The following NEK1 variants were observed in gnomAD, a reference collection of about 807,000 sequenced individuals.
NEK1 encodes the protein serine/threonine-protein kinase Nek1.
A neutral mutation model predicts 182.1 loss-of-function variants in NEK1; 137 were observed. The observed-to-expected ratio is 0.75, with a 90% CI of 0.65 to 0.87. NEK1 has a LOEUF of 0.87. Among genes scored for constraint, NEK1 ranks in the 40% least tolerant of loss-of-function variants. The pLI is 0.00. For synonymous variants in NEK1, 513 were observed against 492.2 expected (o/e 1.04, Z -0.56); for missense variants, 1,391 against 1,494.4 (o/e 0.93, Z 1.14).
At chr4:169,523,797 A>G (rs543634606) in intron 19 of NEK1, among the ~76,000 whole-genome samples, 1 of 152,236 alleles carries the variant, frequency 6.6e-6, no homozygotes, top group Non-Finnish European at 1.5e-5. Flanking sequence ...TACTGCTTAT[A>G]TGTTCCTGCT....
At chr4:169,509,732 G>A (rs906972217) in intron 19 of NEK1, among the ~76,000 whole-genome samples, 1 of 151,558 alleles carries the variant, frequency 6.6e-6, no homozygotes, top group African/African-American at 2.4e-5. Flanking sequence ...ATTTTTTTCT[G>A]TCATAACATA....
At chr4:169,588,059 T>C (rs1261869909) in intron 8 of NEK1, among the ~76,000 whole-genome samples, 1 of 152,044 alleles carries the variant, frequency 6.6e-6, no homozygotes, top group Admixed American at 6.5e-5. Flanking sequence ...AAATAAAGGG[T>C]AGCTGGAATT....
chr4:169,463,344 C>A lies in NEK1; in HGVS notation c.2486G>T (p.Arg829Ile). 2 of 1,610,456 alleles carry A rather than the reference C, an allele frequency of 1.2e-6. No homozygotes were observed. Among genetic ancestry groups the A allele is most frequent in the Non-Finnish European group, 1.7e-6 (2 of 1,177,778 alleles). The change falls in exon 27 of 36, where the codon AGA (arginine) becomes ATA (isoleucine). Residue 829 changes from arginine to isoleucine, a missense_variant. Arg to Ile is a moderately conservative substitution (Grantham distance 97). This residue lies in a region of NEK1 where 1,216 missense variants were observed against 1,277.6 expected (regional missense o/e 0.95). Coordinates refer to ENST00000507142, the MANE Select transcript of NEK1 (RefSeq NM_001199397.3). ...IKLGPNGSPR[R>I]AWGKSPTDSV... is the part of the protein sequence containing the mutation. ...ATCTGTCGGACTTTTCCCCCAGGCT[C>A]TTCTTGGAGATCCATTAGGACCTAA...
At chr4:169,457,352 C>A (rs1743082316) in intron 27 of NEK1, among the ~76,000 whole-genome samples, 1 of 151,344 alleles carries the variant, frequency 6.6e-6, no homozygotes, top group South Asian at 2.1e-4. Context: ...TATGTACCCA[C>A]AATAGTTAAT....
chr4:169,515,500 CT>C (rs199732218), intron 19 of NEK1, among the ~76,000 whole-genome samples: 29,203 of 141,394 alleles, frequency 0.21, 3,060 homozygotes, highest in African/African-American at 0.29. Flanking sequence ...GCAATAACTT[CT>C]TTTTTTTTTT....
intron 23 of NEK1, among the ~76,000 whole-genome samples, chr4:169,495,919 G>C (rs1343046125): frequency 6.6e-6 from 1 of 152,134 alleles, no homozygotes; most frequent in Admixed American, 6.5e-5. Flanking sequence ...CTTTAAAGTA[G>C]TTTTTTCCAA....
At chr4:169,498,095 T>C (rs1247349607) in intron 23 of NEK1, among the ~76,000 whole-genome samples, 4 of 152,252 alleles carry the variant, frequency 2.6e-5, no homozygotes, top group Admixed American at 1.3e-4. Flanking sequence ...TGCTCCTGTA[T>C]TGGATGCATA....
In NEK1 at chr4:169,576,963, A is replaced by AT. The variant is rs1432921892; in HGVS notation, c.984dup (p.Leu329IlefsTer11). On this transcript the variant is annotated frameshift_variant, in exon 12 of 36. Transcript: ENST00000507142. LOFTEE classifies it high-confidence loss of function. ...TTTTGCAGTGGTTTCTTTTCGTGTA[A>AT]TTTTTTATCTCCATATTTCTTATAT... The AT allele has an allele frequency of 1.9e-6, 3 of 1,611,518 alleles. No individual in the cohort carries two copies. Among genetic ancestry groups the AT allele is most frequent in the African/African-American group, 1.3e-5 (1 of 74,890 alleles).
At chr4:169,533,350 C>T (rs1757972357) in intron 19 of NEK1, among the ~76,000 whole-genome samples, 2 of 152,172 alleles carry the variant, frequency 1.3e-5, no homozygotes, top group Admixed American at 6.5e-5. Context: ...ATGCCATCTT[C>T]CCAGGGAGTC....
intron 28 of NEK1, among the ~76,000 whole-genome samples, chr4:169,437,214 A>G (rs1738574290): frequency 2.7e-5 from 1 of 36,988 alleles, no homozygotes; most frequent in Non-Finnish European, 4.8e-5. Flanking sequence ...TATGGAAAAC[A>G]AATAACTAAT....
At chr4:169,447,924 C>T (rs910564319) in intron 27 of NEK1, among the ~76,000 whole-genome samples, 1 of 151,892 alleles carries the variant, frequency 6.6e-6, no homozygotes, top group Non-Finnish European at 1.5e-5. Context: ...ATGGCTTATG[C>T]CTGTAATCCT....
chr4:169,495,668 C>T (rs1334191331), intron 23 of NEK1, among the ~76,000 whole-genome samples: 1 of 152,146 alleles, frequency 6.6e-6, no homozygotes, highest in Non-Finnish European at 1.5e-5. Flanking sequence ...GAATCCTTTC[C>T]TCATTTTTCG....
chr4:169,594,437 C>T (rs1254862519), intron 5 of NEK1, among the ~76,000 whole-genome samples: 3 of 152,172 alleles, frequency 2.0e-5, no homozygotes, highest in Admixed American at 6.5e-5. Context: ...CTTGGAACTT[C>T]TAACCAGAAG....
intron 19 of NEK1, among the ~76,000 whole-genome samples, chr4:169,534,288 C>T (rs539477420): frequency 1.8e-4 from 28 of 152,274 alleles, no homozygotes; most frequent in African/African-American, 6.3e-4. Context: ...AGAAGGGAAA[C>T]AAAGGTGGTA....
intron 12 of NEK1, among the ~76,000 whole-genome samples, chr4:169,573,710 T>G (rs1048856542): frequency 1.3e-5 from 2 of 152,152 alleles, no homozygotes; most frequent in Non-Finnish European, 2.9e-5. Flanking sequence ...CCTAAAGAAG[T>G]AAGCTAGAAA....
chr4:169,399,740 T>TC (rs1731327417), intron 35 of NEK1, among the ~76,000 whole-genome samples: 2 of 151,954 alleles, frequency 1.3e-5, no homozygotes, highest in African/African-American at 4.8e-5. Flanking sequence ...CCCACCTCAG[T>TC]CCCCTGAGTA....
intron 26 of NEK1, among the ~76,000 whole-genome samples, chr4:169,471,589 G>A (rs1238039861): frequency 2.6e-5 from 4 of 152,180 alleles, no homozygotes; most frequent in Non-Finnish European, 5.9e-5. Flanking sequence ...CTCCCAGTCA[G>A]GAGGCACGGG....
intron 14 of NEK1, 42 bp from the exon 15 acceptor site, chr4:169,561,779 C>T (rs761539065): frequency 1.4e-5 from 22 of 1,598,640 alleles, no homozygotes; most frequent in Non-Finnish European, 1.7e-5. Context: ...ACTCTTGAAC[C>T]TATTATCACT....
intron 31 of NEK1, among the ~76,000 whole-genome samples, chr4:169,416,049 T>G (rs986444243): frequency 6.6e-6 from 1 of 152,134 alleles, no homozygotes; most frequent in Non-Finnish European, 1.5e-5. Flanking sequence ...AGAGAGACTT[T>G]TTCTAGAAAA....
Sources: gnomAD v4.1 joint callset for allele counts (sites outside exome capture counted in the v4.1 genomes callset) on GRCh38, gnomAD v4.1.1 for gene constraint, gnomAD v4.1.1 regional missense constraint, MANE v1.5 for transcripts, NCBI Gene and HGNC (gene_info 2026-07-23, HGNC 2026-07-21) for gene names.